The following DNAJB1 variants were observed in gnomAD, a reference collection of about 807,000 sequenced individuals.
DNAJB1 encodes dnaJ homolog subfamily B member 1.
Under a neutral mutation model 24.0 loss-of-function variants are expected in DNAJB1, and 14 were observed. That is an observed-to-expected ratio of 0.58 (90% CI 0.39 to 0.91). The LOEUF (loss-of-function observed/expected upper bound fraction) is 0.91, where lower values mean the gene tolerates loss of function less well. Ranked by LOEUF, DNAJB1 falls within the 40% of genes least tolerant of loss-of-function variation. DNAJB1 has a pLI of 0.00. For synonymous variants in DNAJB1, 262 were observed against 174.4 expected (o/e 1.50, Z -3.96); for missense variants, 517 against 458.1 (o/e 1.13, Z -1.17).
At chr19:14,544,566 A>G (rs1416617512) in intron 1 of DNAJB1, among the ~76,000 whole-genome samples, 2 of 132,756 alleles carry the variant, frequency 1.5e-5, no homozygotes, top group East Asian at 4.2e-4. Context: ...ATCCTTGGTG[A>G]TAGTAGCAGA....
chr19:14,516,057 G>A lies in DNAJB1; in HGVS notation c.906C>T (p.Leu302=), dbSNP rs1296453052. Residue 302 remains leucine (L), a synonymous_variant, in exon 3 of 3, where the codon CTC becomes CTT. Coordinates refer to ENST00000254322, the MANE Select transcript of DNAJB1 (RefSeq NM_006145.3). ...GMRRKVPGEG[L]PLPKTPEKRG... The stretch of plus-strand genomic sequence containing the variant: ...GTTTCTCGGGTGTTTTGGGGAGGGG[G>A]AGGCCTTCTCCAGGAACTTTTCGCC... 4 of 1,613,662 alleles carry A rather than the reference G, an allele frequency of 2.5e-6. No individual in the cohort carries two copies. The highest frequency in any genetic ancestry group is 1.7e-6 in the Non-Finnish European group (2 of 1,179,828).
upstream of DNAJB1, among the ~76,000 whole-genome samples, chr19:14,551,645 C>A (rs2073509669): frequency 6.6e-6 from 1 of 152,000 alleles, no homozygotes; most frequent in Non-Finnish European, 1.5e-5. Context: ...AGCTGTAAAC[C>A]CTGCCTGGGC....
upstream of DNAJB1, among the ~76,000 whole-genome samples, chr19:14,551,464 G>T (rs2073502133): frequency 6.6e-6 from 1 of 152,082 alleles, no homozygotes; most frequent in Non-Finnish European, 1.5e-5. Flanking sequence ...TGTGTTAGAT[G>T]GTCTTGCAGG....
At chr19:14,534,511 C>T (rs970412952), upstream of DNAJB1, among the ~76,000 whole-genome samples, 1 of 132,380 alleles carries the variant, frequency 7.6e-6, no homozygotes, top group Non-Finnish European at 1.6e-5. Context: ...TCTCACCTCA[C>T]TGCAACCTCC....
chr19:14,538,443 G>A (rs117879916), intron 1 of DNAJB1, among the ~76,000 whole-genome samples: 7,077 of 152,134 alleles, frequency 0.047, 240 homozygotes, highest in Non-Finnish European at 0.065. Context: ...AGGGACCCAC[G>A]TTAGGCAGGT....
At chr19:14,518,513 G>A (rs981661294), upstream of DNAJB1, 3 of 477,194 alleles carry the variant, frequency 6.3e-6, no homozygotes, top group South Asian at 2.3e-4. Context: ...AATCGCCGCC[G>A]CCCTTTCAGC....
chr19:14,516,787 T>G lies in DNAJB1; in HGVS notation c.471A>C (p.Arg157=). 6.2e-7 allele frequency: 1 copy of G among 1,613,908 alleles called. No homozygotes were observed. The highest frequency in any genetic ancestry group is 1.7e-4 in the Middle Eastern group (1 of 5,882). ...GGGTGACTGGGGGATCTTGCTTCTT[T>G]CGGGCGGGCTCTTGGGCAGAGCGGG... ...GRSRSAQEPA[R]KKQDPPVTHD... Residue 157 remains arginine, a synonymous_variant, in exon 2 of 3, where the codon CGA becomes CGC. Transcript: ENST00000254322.
At chr19:14,559,963 G>A (rs915956465) in intron 1 of DNAJB1, among the ~76,000 whole-genome samples, 4 of 124,606 alleles carry the variant, frequency 3.2e-5, no homozygotes, top group African/African-American at 1.4e-4. Context: ...TCCTGCCCAG[G>A]TGGCCCTAGC....
chr19:14,528,250 T>C (rs1200903646), intron 1 of DNAJB1, among the ~76,000 whole-genome samples: 1 of 145,154 alleles, frequency 6.9e-6, no homozygotes, highest in East Asian at 2.0e-4. Context: ...TTTTTCTTTT[T>C]TCTTTTTTTT....
upstream of DNAJB1, chr19:14,529,768 T>C: frequency 6.2e-7 from 1 of 1,612,966 alleles, no homozygotes; most frequent in Non-Finnish European, 8.5e-7. Context: ...TTTTTCCTTC[T>C]TTGCGGGACC....
upstream of DNAJB1, among the ~76,000 whole-genome samples, chr19:14,521,197 G>A (rs961192902): frequency 6.6e-6 from 1 of 152,124 alleles, no homozygotes; most frequent in Non-Finnish European, 1.5e-5. Flanking sequence ...GTGACTCAAC[G>A]CCTATAATCC....
chr19:14,518,479 C>T, upstream of DNAJB1: 8 of 680,172 alleles, frequency 1.2e-5, no homozygotes, highest in Non-Finnish European at 1.6e-5. Context: ...ACCTTCCGCC[C>T]CGCCCGCCCC....
chr19:14,518,702 A>AGCTACCCTGCGTCCCGCCCTCC (rs2072325242), upstream of DNAJB1, among the ~76,000 whole-genome samples: 2 of 151,968 alleles, frequency 1.3e-5, no homozygotes, highest in African/African-American at 4.8e-5. Context: ...ACGCGGCCCC[A>AGCTACCCTGCGTCCCGCCCTCC]GCTACCCTGC....
At chr19:14,535,079 G>C (rs897313249) in intron 1 of DNAJB1, among the ~76,000 whole-genome samples, 2 of 152,128 alleles carry the variant, frequency 1.3e-5, no homozygotes, top group Non-Finnish European at 2.9e-5. Context: ...AGGATTGAGA[G>C]TGATGAGCCT....
intron 1 of DNAJB1, among the ~76,000 whole-genome samples, chr19:14,542,347 G>GTGTTTTTTTTT (rs2073125545): frequency 1.2e-4 from 5 of 43,282 alleles, no homozygotes; most frequent in African/African-American, 2.4e-4. Context: ...ATGCCATAGT[G>GTGTTTTTTTTT]TTTTTTTTTT....
At chr19:14,541,306 A>G (rs61630458) in intron 1 of DNAJB1, among the ~76,000 whole-genome samples, 31,335 of 151,960 alleles carry the variant, frequency 0.21, 3,520 homozygotes, top group South Asian at 0.41. Context: ...CCTCTTGGCC[A>G]CAAGCCCTGG....
At chr19:14,521,417 C>G (rs1434330663), upstream of DNAJB1, among the ~76,000 whole-genome samples, 2 of 151,164 alleles carry the variant, frequency 1.3e-5, no homozygotes, top group Non-Finnish European at 2.9e-5. Flanking sequence ...CAAGATCGTG[C>G]CACTGTGCTC....
At chr19:14,517,734 TCGCCCCGCAGCTGAGCCGGAGGCGC>T (rs1399139304) in intron 1 of DNAJB1, 1 of 170,792 alleles carries the variant, frequency 5.9e-6, no homozygotes, top group Admixed American at 6.4e-5. Flanking sequence ...TCACAACCCC[TCGCCCCGCAGCTGAGCCGGAGGCGC>T]CGCCCCGCGG....
chr19:14,519,279 G>C (rs1294108886), upstream of DNAJB1, among the ~76,000 whole-genome samples: 2 of 152,236 alleles, frequency 1.3e-5, no homozygotes, highest in Non-Finnish European at 2.9e-5. Flanking sequence ...TGAGGCCTGA[G>C]AATAGCTTGA....
Sources: allele counts gnomAD v4.1 joint callset (sites outside exome capture counted in the v4.1 genomes callset), GRCh38; gene constraint gnomAD v4.1.1; transcripts MANE v1.5; gene names NCBI Gene and HGNC (gene_info 2026-07-23, HGNC 2026-07-21).